The following GMDS variants were observed in gnomAD, a reference collection of about 807,000 sequenced individuals.
GMDS encodes the protein GDP-mannose 4,6-dehydratase.
A neutral mutation model predicts 49.9 loss-of-function variants in GMDS; 20 were observed. The observed-to-expected ratio is 0.40, with a 90% CI of 0.28 to 0.58. The LOEUF (loss-of-function observed/expected upper bound fraction) is 0.58, where lower values mean the gene tolerates loss of function less well. Among genes scored for constraint, GMDS ranks in the 20% least tolerant of loss-of-function variants. The pLI, the probability that GMDS is intolerant of heterozygous loss-of-function variation, is 0.42. For missense variants in GMDS, 362 were observed against 481.4 expected (o/e 0.75, Z 2.32); for synonymous variants, 177 against 178.6 (o/e 0.99, Z 0.07).
intron 9 of GMDS, among the ~76,000 whole-genome samples, chr6:1,708,878 T>C (rs1001373481): frequency 2.0e-5 from 3 of 152,214 alleles, no homozygotes; most frequent in African/African-American, 7.2e-5. Context: ...TGTCCAGTCA[T>C]ACACTAAAAG....
At chr6:1,686,556 T>C (rs1009885310) in intron 9 of GMDS, among the ~76,000 whole-genome samples, 4 of 152,252 alleles carry the variant, frequency 2.6e-5, no homozygotes, top group African/African-American at 9.6e-5. Flanking sequence ...TATTTGTCTT[T>C]GTATAACCAT....
chr6:1,907,182 T>C (rs1190876283), intron 7 of GMDS, among the ~76,000 whole-genome samples: 2 of 152,216 alleles, frequency 1.3e-5, no homozygotes, highest in Non-Finnish European at 2.9e-5. Context: ...GGAAGATGGC[T>C]TGGCATGCAC....
chr6:1,637,107 A>C (rs1198050675), intron 9 of GMDS, among the ~76,000 whole-genome samples: 2 of 152,210 alleles, frequency 1.3e-5, no homozygotes, highest in Non-Finnish European at 2.9e-5. Flanking sequence ...GGTAGGACTG[A>C]AGGTGTCCCA....
At chr6:2,208,032 A>G (rs972395930) in intron 1 of GMDS, among the ~76,000 whole-genome samples, 1 of 151,928 alleles carries the variant, frequency 6.6e-6, no homozygotes, top group Non-Finnish European at 1.5e-5. Flanking sequence ...CCAGATTAGA[A>G]AAGTTTTACT....
chr6:1,664,454 C>T (rs1019949844), intron 9 of GMDS, among the ~76,000 whole-genome samples: 20 of 152,220 alleles, frequency 1.3e-4, no homozygotes, highest in Admixed American at 2.6e-4. Context: ...GTATTCTCTT[C>T]AGAGGAGAGG....
intron 9 of GMDS, among the ~76,000 whole-genome samples, chr6:1,644,122 C>T (rs1244868801): frequency 1.3e-5 from 2 of 152,216 alleles, no homozygotes; most frequent in African/African-American, 2.4e-5. Context: ...TAGGTCAGCA[C>T]GGCACCTCAG....
At chr6:2,200,867 T>C in intron 1 of GMDS, among the ~76,000 whole-genome samples, 1 of 127,064 alleles carries the variant, frequency 7.9e-6, no homozygotes, top group Admixed American at 8.1e-5. Context: ...AGCAGAGAGG[T>C]GAAGGATGAA....
At chr6:1,743,829 T>A (rs535127128) in intron 7 of GMDS, among the ~76,000 whole-genome samples, 1 of 116,090 alleles carries the variant, frequency 8.6e-6, no homozygotes, top group African/African-American at 3.8e-5. Context: ...TCAAAAAAGG[T>A]TGAAGCAAAA....
chr6:2,243,722 C>T (rs1781719349), intron 1 of GMDS, among the ~76,000 whole-genome samples: 3 of 151,552 alleles, frequency 2.0e-5, no homozygotes, highest in Admixed American at 6.6e-5. Flanking sequence ...AAACTCTTGT[C>T]TATTATGATT....
intron 1 of GMDS, among the ~76,000 whole-genome samples, chr6:2,143,354 T>C (rs914016401): frequency 6.6e-6 from 1 of 152,130 alleles, no homozygotes; most frequent in Non-Finnish European, 1.5e-5. Context: ...ACACGGGCTC[T>C]CCTTTCCCCT....
At chr6:2,163,756 A>T (rs1777526432) in intron 1 of GMDS, among the ~76,000 whole-genome samples, 1 of 152,156 alleles carries the variant, frequency 6.6e-6, no homozygotes, top group Admixed American at 6.5e-5. Flanking sequence ...GAACTAGCCA[A>T]CACCACAGGC....
rs527560652 is a variant in GMDS, at chr6:2,137,623, C to T, written c.103-12892G>A. On this transcript the variant is annotated intron_variant, in intron 1 of 10. Coordinates refer to ENST00000380815, the MANE Select transcript of GMDS (RefSeq NM_001500.4). ...TGCTGGGATTGCAGGTGTGAGCCAC[C>T]GCGCCCGGCCCATATTCCCTTTTTA... Among the ~76,000 whole-genome samples, 42 of 152,250 alleles carry T rather than the reference C, an allele frequency of 2.8e-4. 2 individuals carry two copies. The South Asian group carries it at 6.6e-3, about 24-fold the overall frequency.
At chr6:1,955,767 C>CA (rs60939377) in intron 6 of GMDS, among the ~76,000 whole-genome samples, 2,122 of 107,794 alleles carry the variant, frequency 0.02, 42 homozygotes, top group African/African-American at 0.061. Flanking sequence ...ATGAAGTCTT[C>CA]AAAAAAAAAA....
At chr6:2,168,306 TCCAAAA>T (rs1334253819) in intron 1 of GMDS, among the ~76,000 whole-genome samples, 1 of 152,154 alleles carries the variant, frequency 6.6e-6, no homozygotes, top group African/African-American at 2.4e-5. Flanking sequence ...AACAACAGCA[TCCAAAA>T]CCAAAACTAC....
intron 7 of GMDS, among the ~76,000 whole-genome samples, chr6:1,891,683 C>G (rs1214390168): frequency 6.6e-5 from 10 of 152,216 alleles, no homozygotes; most frequent in Non-Finnish European, 1.2e-4. Flanking sequence ...GTAGCAGCAT[C>G]AGTATCTCCA....
chr6:2,021,299 T>C (rs567092149), intron 4 of GMDS, among the ~76,000 whole-genome samples: 1 of 152,320 alleles, frequency 6.6e-6, no homozygotes, highest in African/African-American at 2.4e-5. Flanking sequence ...CTTTATCTAC[T>C]GGAACCTAGA....
chr6:2,187,752 A>T lies in GMDS; in HGVS notation c.102+57569T>A, dbSNP rs545783984. 2.0e-5 allele frequency among the ~76,000 whole-genome samples: 3 copies of T among 152,356 alleles called. No individual in the cohort carries two copies. In the East Asian group the frequency reaches 5.8e-4, roughly 29 times the overall value. On this transcript the variant is annotated intron_variant, in intron 1 of 10. Transcript: ENST00000380815. ...CTTTTACTGCAACAGACAATAGAAAAATAGCATCCACATTAGGAGAAAATG... is the reference window on the plus strand; with the variant it reads ...CTTTTACTGCAACAGACAATAGAAATATAGCATCCACATTAGGAGAAAATG...
chr6:2,037,888 C>T (rs1056544242), intron 4 of GMDS, among the ~76,000 whole-genome samples: 1 of 151,884 alleles, frequency 6.6e-6, no homozygotes, highest in African/African-American at 2.4e-5. Context: ...AAGAGAAAAG[C>T]GGTAAAAATA....
chr6:2,150,743 C>CCT (rs1776802673), intron 1 of GMDS, among the ~76,000 whole-genome samples: 1 of 152,158 alleles, frequency 6.6e-6, no homozygotes, highest in African/African-American at 2.4e-5. Flanking sequence ...TGGCCATAAA[C>CCT]TGAGTTCTAA....
Sources: gnomAD v4.1 joint callset for allele counts (sites outside exome capture counted in the v4.1 genomes callset) on GRCh38, gnomAD v4.1.1 for gene constraint, MANE v1.5 for transcripts, NCBI Gene and HGNC (gene_info 2026-07-23, HGNC 2026-07-21) for gene names.